The following MAMDC2 variants were observed in gnomAD, a reference collection of about 807,000 sequenced individuals.
The protein encoded by MAMDC2 is MAM domain-containing protein 2.
A neutral mutation model predicts 89.8 loss-of-function variants in MAMDC2; 57 were observed. That is an observed-to-expected ratio of 0.63 (90% CI 0.51 to 0.79). MAMDC2 has a LOEUF of 0.79. Among genes scored for constraint, MAMDC2 ranks in the 30% least tolerant of loss-of-function variants. The pLI, the probability that MAMDC2 is intolerant of heterozygous loss-of-function variation, is 0.00. For synonymous variants in MAMDC2, 313 were observed against 293.4 expected (o/e 1.07, Z -0.68); for missense variants, 800 against 820.6 (o/e 0.97, Z 0.31).
intron 11 of MAMDC2, among the ~76,000 whole-genome samples, chr9:70,199,043 AT>A (rs1051512250): frequency 0.017 from 1,477 of 85,882 alleles, 20 homozygotes; most frequent in African/African-American, 0.056. Context: ...TCCATAGCTT[AT>A]TTTTTTTTTC....
chr9:70,114,406 G>T (rs12683082), intron 5 of MAMDC2, among the ~76,000 whole-genome samples: 1,962 of 151,430 alleles, frequency 0.013, 10 homozygotes, highest in Non-Finnish European at 0.018. Context: ...GGATTTTTTT[G>T]TGTGTGTGAA....
intron 11 of MAMDC2, among the ~76,000 whole-genome samples, chr9:70,185,511 C>T (rs1221897815): frequency 6.6e-6 from 1 of 152,180 alleles, no homozygotes; most frequent in Non-Finnish European, 1.5e-5. Context: ...TACCCCTTCC[C>T]CCAGGGGCTC....
chr9:70,218,668 C>G lies in MAMDC2; in HGVS notation c.1911+72C>G, dbSNP rs1215670299. 7 of 1,476,372 alleles carry G rather than the reference C, an allele frequency of 4.7e-6. 1 individual carries two copies. The South Asian group carries it at 7.2e-5, about 15-fold the overall frequency. 91.5% of individuals were successfully genotyped at this position (1,476,372 alleles called of 1,614,324 possible). A position where few individuals can be genotyped will look rare whatever the true frequency, so the allele number is the denominator to read the frequency against. ...CTTCTGATGTTCTTTCTTATTCTTG[C>G]TACCAAAGAGAATATTTTGTTCTTT... On this transcript the variant is annotated intron_variant, in intron 12 of 13. Transcript: ENST00000377182.
At chr9:70,102,855 C>A (rs1439079181) in intron 2 of MAMDC2, among the ~76,000 whole-genome samples, 1 of 152,210 alleles carries the variant, frequency 6.6e-6, no homozygotes, top group East Asian at 1.9e-4. Context: ...ATTTCTCCAA[C>A]ACTGCGGTTG....
At chr9:70,131,215 A>C (rs1411777670) in intron 6 of MAMDC2, among the ~76,000 whole-genome samples, 2 of 152,044 alleles carry the variant, frequency 1.3e-5, no homozygotes, top group African/African-American at 4.8e-5. Context: ...TCCAAAACCT[A>C]ATCACCTCCC....
chr9:70,067,145 G>A (rs555087308), intron 2 of MAMDC2, among the ~76,000 whole-genome samples: 1 of 152,302 alleles, frequency 6.6e-6, no homozygotes, highest in South Asian at 2.1e-4. Flanking sequence ...ACACTTTTGT[G>A]TTTTTCCAAG....
chr9:70,109,636 C>T (rs1828444965), intron 3 of MAMDC2, 84 bp from the exon 4 acceptor site: 1 of 1,152,640 alleles, frequency 8.7e-7, no homozygotes. Flanking sequence ...GGCTGAACAG[C>T]TCCAGACTAA....
chr9:70,095,160 T>C (rs936660799), intron 2 of MAMDC2, among the ~76,000 whole-genome samples: 7 of 152,260 alleles, frequency 4.6e-5, no homozygotes, highest in African/African-American at 9.6e-5. Flanking sequence ...GTAGCTGCCA[T>C]GTAGGCTGCA....
At chr9:70,077,064 C>T (rs73650526) in intron 2 of MAMDC2, among the ~76,000 whole-genome samples, 2,351 of 152,244 alleles carry the variant, frequency 0.015, 64 homozygotes, top group African/African-American at 0.054. Context: ...AAATAATAGA[C>T]GATCTGTTAG....
At chr9:70,225,707 C>A in intron 12 of MAMDC2, 43 bp from the exon 13 acceptor site, 2 of 1,294,848 alleles carry the variant, frequency 1.5e-6, no homozygotes, top group South Asian at 1.2e-5. Flanking sequence ...GCACTGTAAT[C>A]AGGATGATTC....
intron 11 of MAMDC2, among the ~76,000 whole-genome samples, chr9:70,217,917 GAA>G (rs2033479782): frequency 6.6e-6 from 1 of 152,102 alleles, no homozygotes; most frequent in Non-Finnish European, 1.5e-5. Flanking sequence ...CATTAGACCA[GAA>G]TCACATAAAC....
intron 2 of MAMDC2, chr9:70,092,865 C>T (rs750059698): frequency 2.6e-5 from 4 of 152,134 alleles, no homozygotes; most frequent in Non-Finnish European, 4.4e-5. Flanking sequence ...TAATCTTACG[C>T]TCCCACCATC....
Position 70,143,714 on chromosome 9 carries a change from T to G in MAMDC2, c.1299T>G (p.Phe433Leu). ...KMSDTLAVYI[F>L]EENHVVQEKI... ...GTGACACCCTAGCAGTTTACATCTT[T>G]GAAGAGAACCATGTGGTTCAAGAGA... is the stretch of plus-strand genomic sequence containing the variant. The change falls in exon 9 of 14, where the codon TTT becomes TTG. Residue 433 changes from phenylalanine to leucine, a missense_variant. Coordinates refer to ENST00000377182, the MANE Select transcript of MAMDC2 (RefSeq NM_153267.5). 1.2e-6 allele frequency: 2 copies of G among 1,614,174 alleles called. No individual in the cohort carries two copies. The highest frequency in any genetic ancestry group is 3.3e-4 in the Middle Eastern group (2 of 6,062).
intron 7 of MAMDC2, among the ~76,000 whole-genome samples, chr9:70,139,793 AC>A (rs1204744840): frequency 6.6e-6 from 1 of 152,100 alleles, no homozygotes; most frequent in Non-Finnish European, 1.5e-5. Flanking sequence ...TTGTTTCCTG[AC>A]TTTTTAATGA....
rs1480616666 is a variant in MAMDC2 at position 70,161,530 on chromosome 9, G to A, written c.1405-7172G>A. ...AGACCAAATATAGTATCTGCAGCAG[G>A]CATGCTTTTGCAATTTTGCAGCTAT... On this transcript the variant is annotated intron_variant, in intron 9 of 13. Transcript: ENST00000377182. Among the ~76,000 whole-genome samples, 4 of 152,312 alleles carry A rather than the reference G, an allele frequency of 2.6e-5. No homozygotes were observed. In the East Asian group the frequency reaches 7.7e-4, roughly 29 times the overall value.
At chr9:70,062,611 T>G (rs1827174101) in intron 2 of MAMDC2, 1 of 152,196 alleles carries the variant, frequency 6.6e-6, no homozygotes, top group Non-Finnish European at 1.5e-5. Flanking sequence ...TGAAATGGAC[T>G]TGCACTTCTG....
chr9:70,085,246 C>T (rs771767259), intron 2 of MAMDC2, among the ~76,000 whole-genome samples: 19 of 152,036 alleles, frequency 1.2e-4, no homozygotes, highest in Non-Finnish European at 2.2e-4. Context: ...AGCCTTTTAC[C>T]GTGGGGGCAT....
intron 9 of MAMDC2, chr9:70,157,885 T>C (rs998079881): frequency 1.3e-5 from 2 of 152,150 alleles, no homozygotes; most frequent in Non-Finnish European, 2.9e-5. Flanking sequence ...GGATAGGATA[T>C]ATACAGGCAA....
chr9:70,059,973 C>G (rs529689609), intron 2 of MAMDC2, among the ~76,000 whole-genome samples: 1 of 152,298 alleles, frequency 6.6e-6, no homozygotes, highest in East Asian at 1.9e-4. Flanking sequence ...TTCTGTGTCT[C>G]TTCATTCAAG....
Sources: gnomAD v4.1 joint callset for allele counts (sites outside exome capture counted in the v4.1 genomes callset) on GRCh38, gnomAD v4.1.1 for gene constraint, MANE v1.5 for transcripts, NCBI Gene and HGNC (gene_info 2026-07-23, HGNC 2026-07-21) for gene names.